CIRSR: variants seen among roughly 807,000 people sequenced by gnomAD.
CIRSR encodes the protein corepressor of RBPJ and splicing regulator, also known as CBF1 (RBPJ) interacting corepressor 1.
At chr2:174,350,746 C>T in the CIRSR span, 1 of 1,599,532 alleles carries the variant, frequency 6.3e-7, no homozygotes, top group Non-Finnish European at 8.5e-7. Flanking sequence ...CAACATACTC[C>T]TGAGTCAACA....
chr2:174,354,770 ATT>A, the CIRSR span, among the ~76,000 whole-genome samples: 48 of 104,390 alleles, frequency 4.6e-4, no homozygotes, highest in African/African-American at 1.5e-3. Context: ...ATATATATAT[ATT>A]TTTTTTTTTG....
the CIRSR span, among the ~76,000 whole-genome samples, chr2:174,381,000 T>C: frequency 6.6e-6 from 1 of 152,192 alleles, no homozygotes; most frequent in Non-Finnish European, 1.5e-5. Context: ...AAATACAAAA[T>C]TAAAATTAAT....
chr2:174,377,833 A>AAC, the CIRSR span, among the ~76,000 whole-genome samples: 1 of 151,292 alleles, frequency 6.6e-6, no homozygotes, highest in African/African-American at 2.4e-5. Flanking sequence ...TCAAAAAAAA[A>AAC]AAAAAAAAAA....
the CIRSR span, chr2:174,381,585 G>A: frequency 7.4e-4 from 489 of 656,420 alleles, 7 homozygotes; most frequent in Non-Finnish European, 1.6e-4. Context: ...CTCAGGAGGT[G>A]GATGGAGGTT....
chr2:174,377,838 A>AG, the CIRSR span, among the ~76,000 whole-genome samples: 1 of 151,586 alleles, frequency 6.6e-6, no homozygotes, highest in Non-Finnish European at 1.5e-5. Context: ...AAAAAAAAAA[A>AG]AAAAAAAAAC....
chr2:174,381,232 G>C, the CIRSR span, among the ~76,000 whole-genome samples: 1 of 152,136 alleles, frequency 6.6e-6, no homozygotes, highest in Non-Finnish European at 1.5e-5. Context: ...TATTTATTCT[G>C]TTGTATGATT....
At chr2:174,378,302 C>T in the CIRSR span, among the ~76,000 whole-genome samples, 1 of 152,126 alleles carries the variant, frequency 6.6e-6, no homozygotes, top group Non-Finnish European at 1.5e-5. Context: ...CAGATTATTT[C>T]TATTATGATC....
At chr2:174,380,852 T>C in the CIRSR span, 1 of 1,540,974 alleles carries the variant, frequency 6.5e-7, no homozygotes, top group Non-Finnish European at 8.8e-7. Context: ...AAAAAAGGTA[T>C]GACAAGTTAA....
At chr2:174,351,696 C>T in the CIRSR span, 1 of 1,613,538 alleles carries the variant, frequency 6.2e-7, no homozygotes, top group Non-Finnish European at 8.5e-7. Flanking sequence ...CTCATCTCCG[C>T]TATTAGCTCC....
chr2:174,369,762 C>T, the CIRSR span, among the ~76,000 whole-genome samples: 1 of 152,002 alleles, frequency 6.6e-6, no homozygotes, highest in Non-Finnish European at 1.5e-5. Flanking sequence ...TCAGAATACA[C>T]AAAATGTTTA....
the CIRSR span, chr2:174,380,909 TTTAA>T: frequency 2.4e-5 from 23 of 950,444 alleles, no homozygotes; most frequent in Middle Eastern, 2.9e-4. Flanking sequence ...TATCATGTTA[TTTAA>T]TTGTCACTTG....
the CIRSR span, among the ~76,000 whole-genome samples, chr2:174,359,578 G>A: frequency 6.6e-6 from 1 of 152,184 alleles, no homozygotes; most frequent in African/African-American, 2.4e-5. Flanking sequence ...TGGAGAGGAT[G>A]TGGAGAAATA....
At chr2:174,360,370 G>A in the CIRSR span, among the ~76,000 whole-genome samples, 1 of 152,174 alleles carries the variant, frequency 6.6e-6, no homozygotes, top group African/African-American at 2.4e-5. Flanking sequence ...ATTCAGAAGA[G>A]ATTATAAATG....
At chr2:174,381,679 A>G in the CIRSR span, 6 of 1,560,194 alleles carry the variant, frequency 3.8e-6, no homozygotes, top group Non-Finnish European at 5.2e-6. Context: ...AAGAAAGAAA[A>G]AAAGAAACGG....
the CIRSR span, among the ~76,000 whole-genome samples, chr2:174,353,493 A>T: frequency 6.6e-6 from 1 of 152,042 alleles, no homozygotes; most frequent in Non-Finnish European, 1.5e-5. Context: ...TGTGAGATGG[A>T]GTCTTGCTCT....
chr2:174,387,691 T>G, the CIRSR span: 1 of 1,581,728 alleles, frequency 6.3e-7, no homozygotes, highest in Non-Finnish European at 8.6e-7. Context: ...TTACCTATTA[T>G]CATATGATTC....
At chr2:174,353,345 T>C in the CIRSR span, among the ~76,000 whole-genome samples, 1 of 152,270 alleles carries the variant, frequency 6.6e-6, no homozygotes, top group Non-Finnish European at 1.5e-5. Context: ...ATTACTTTAA[T>C]GGCCCTTTAA....
At chr2:174,380,643 G>C in the CIRSR span, 4 of 1,606,674 alleles carry the variant, frequency 2.5e-6, no homozygotes, top group Admixed American at 6.7e-5. Context: ...AAGTAAACCA[G>C]TCCTTACTTT....
At chr2:174,375,673 C>CT in the CIRSR span, among the ~76,000 whole-genome samples, 2 of 152,126 alleles carry the variant, frequency 1.3e-5, no homozygotes, top group African/African-American at 2.4e-5. Flanking sequence ...TGGATGCATA[C>CT]TTTTTAAAAA....
Sources: gnomAD v4.1 joint callset for allele counts (sites outside exome capture counted in the v4.1 genomes callset) on GRCh38, gnomAD v4.1.1 for gene constraint, MANE v1.5 for transcripts, NCBI Gene and HGNC (gene_info 2026-07-23, HGNC 2026-07-21) for gene names.